LHFPL3: variants seen among roughly 807,000 people sequenced by gnomAD.
The protein encoded by LHFPL3 is LHFPL tetraspan subfamily member 3 protein.
In LHFPL3, 5 loss-of-function variants were observed where a neutral mutation model predicts 19.3. The observed-to-expected ratio is 0.26, with a 90% CI of 0.14 to 0.54. LHFPL3 has a LOEUF of 0.54. Among genes scored for constraint, LHFPL3 ranks in the 20% least tolerant of loss-of-function variants. The probability of loss-of-function intolerance (pLI) is 0.94; values close to 1 mark genes in which losing one functional copy is unlikely to be tolerated. For missense variants in LHFPL3, 249 were observed against 307.4 expected, an observed-to-expected ratio of 0.81 and a Z score of 1.42; for synonymous variants, 133 against 126.2, an observed-to-expected ratio of 1.05 and a Z score of -0.36.
intron 1 of LHFPL3, among the ~76,000 whole-genome samples, chr7:104,725,835 A>G (rs1404027736): frequency 6.6e-6 from 1 of 152,112 alleles, no homozygotes; most frequent in East Asian, 1.9e-4. Flanking sequence ...GCGGATCACG[A>G]GGTCAGGAGT....
chr7:104,886,727 T>C (rs1792155685), intron 2 of LHFPL3, among the ~76,000 whole-genome samples: 4 of 152,252 alleles, frequency 2.6e-5, no homozygotes, highest in Admixed American at 2.6e-4. Context: ...AAATTATACA[T>C]TCACATTTAC....
intron 1 of LHFPL3, among the ~76,000 whole-genome samples, chr7:104,650,696 G>C (rs73713022): frequency 0.016 from 2,482 of 152,140 alleles, 69 homozygotes; most frequent in African/African-American, 0.056. Context: ...GATACCCTTG[G>C]CTTTTGTCAA....
intron 2 of LHFPL3, among the ~76,000 whole-genome samples, chr7:104,851,566 A>G (rs1791415083): frequency 6.6e-6 from 1 of 152,222 alleles, no homozygotes; most frequent in Non-Finnish European, 1.5e-5. Context: ...CCCTGGAAAA[A>G]TTAAGTTCAT....
chr7:104,811,132 TTTCC>T (rs1177103617), intron 2 of LHFPL3, among the ~76,000 whole-genome samples: 1 of 114,526 alleles, frequency 8.7e-6, no homozygotes, highest in Non-Finnish European at 1.8e-5. Flanking sequence ...TCTCTCTCTC[TTTCC>T]TTCCTTTCTT....
rs185254837 is a variant in LHFPL3, at chr7:104,733,786, C to G, written c.446-2889C>G. The stretch of plus-strand genomic sequence containing the variant: ...ATTATGATGTTAGCTGGTTATTTTG[C>G]TCATTAGTTGATGCAGTTTCTTCCT... On this transcript the variant is annotated intron_variant, in intron 1 of 2. Coordinates refer to ENST00000424859, the MANE Select transcript of LHFPL3 (RefSeq NM_199000.3). Among the ~76,000 whole-genome samples, 701 of 152,232 alleles carry G rather than the reference C, an allele frequency of 4.6e-3. 3 individuals carry two copies. Among genetic ancestry groups the G allele is most frequent in the African/African-American group, 0.016 (650 of 41,520 alleles).
chr7:104,899,538 G>T (rs181678912), intron 2 of LHFPL3, among the ~76,000 whole-genome samples: 2 of 152,284 alleles, frequency 1.3e-5, no homozygotes, highest in African/African-American at 4.8e-5. Context: ...TACGAAGCTG[G>T]TAGTCTTTCC....
chr7:104,710,712 G>A (rs554692761), intron 1 of LHFPL3, among the ~76,000 whole-genome samples: 4 of 152,254 alleles, frequency 2.6e-5, no homozygotes, highest in Non-Finnish European at 5.9e-5. Context: ...AGGTTTACAT[G>A]AGTTGATTCA....
At position 104,382,514 on chromosome 7, in the gene LHFPL3, C is replaced by A. The variant is rs554538597; in HGVS notation, c.445+53290C>A. On this transcript the variant is annotated intron_variant, in intron 1 of 2. Transcript: ENST00000424859. ...CAAGCTTGGCTACACATTGGACTCA[C>A]CTGGGGAGGCTTGCAAGTCGTTGAT... 2.6e-5 allele frequency among the ~76,000 whole-genome samples: 4 copies of A among 152,200 alleles called. No individual in the cohort carries two copies. In the East Asian group the frequency reaches 7.7e-4, roughly 29 times the overall value.
chr7:104,799,500 G>C (rs1436111993), intron 2 of LHFPL3: 1 of 152,384 alleles, frequency 6.6e-6, no homozygotes, highest in Non-Finnish European at 1.5e-5. Context: ...TGAAGCACCA[G>C]CATTGCCCAC....
Position 104,596,003 on chromosome 7 carries a change from C to T in LHFPL3, c.446-140672C>T, listed in dbSNP as rs4385405. 4.1e-3 allele frequency among the ~76,000 whole-genome samples: 621 copies of T among 152,358 alleles called. 35 individuals carry two copies. The East Asian group carries it at 0.099, about 24-fold the overall frequency. On this transcript the variant is annotated intron_variant, in intron 1 of 2. Coordinates refer to ENST00000424859, the MANE Select transcript of LHFPL3 (RefSeq NM_199000.3). ...GGCTAGGAAAGGGAAACCCCCCAAC[C>T]CCTTGTGCTTCCCGGGTGAGACAAT...
intron 1 of LHFPL3, among the ~76,000 whole-genome samples, chr7:104,606,469 C>A (rs915754465): frequency 1.3e-5 from 2 of 152,112 alleles, no homozygotes; most frequent in African/African-American, 2.4e-5. Flanking sequence ...GTGAGGTTGG[C>A]AAATCACTTA....
chr7:104,655,379 G>A (rs1271393137), intron 1 of LHFPL3, among the ~76,000 whole-genome samples: 2 of 152,160 alleles, frequency 1.3e-5, no homozygotes, highest in African/African-American at 4.8e-5. Context: ...TTATGAATAG[G>A]TGCATTGACA....
At chr7:104,494,541 A>G (rs1228269358) in intron 1 of LHFPL3, among the ~76,000 whole-genome samples, 1 of 152,062 alleles carries the variant, frequency 6.6e-6, no homozygotes, top group African/African-American at 2.4e-5. Flanking sequence ...CGCTTCACCC[A>G]TGCTAAGAAA....
intron 1 of LHFPL3, among the ~76,000 whole-genome samples, chr7:104,530,092 A>G (rs1171478460): frequency 6.6e-6 from 1 of 152,204 alleles, no homozygotes; most frequent in African/African-American, 2.4e-5. Flanking sequence ...TGTTAAAAAT[A>G]GTGTGATGTT....
intron 1 of LHFPL3, among the ~76,000 whole-genome samples, chr7:104,516,882 C>T (rs1793931268): frequency 6.6e-6 from 1 of 152,106 alleles, no homozygotes; most frequent in Non-Finnish European, 1.5e-5. Context: ...ATAGCAAAGA[C>T]ATGGAATCAA....
intron 2 of LHFPL3, among the ~76,000 whole-genome samples, chr7:104,874,390 CTTTT>C (rs1234139276): frequency 1.7e-5 from 2 of 120,520 alleles, no homozygotes; most frequent in Admixed American, 8.5e-5. Flanking sequence ...AAAAGGAATG[CTTTT>C]TTTTTTTTTT....
At chr7:104,673,976 G>T (rs1792537193) in intron 1 of LHFPL3, among the ~76,000 whole-genome samples, 2 of 151,850 alleles carry the variant, frequency 1.3e-5, no homozygotes, top group African/African-American at 4.8e-5. Flanking sequence ...TGGAAAGAAT[G>T]TTCAGACCCT....
chr7:104,386,351 T>A (rs960684064), intron 1 of LHFPL3, among the ~76,000 whole-genome samples: 1 of 152,234 alleles, frequency 6.6e-6, no homozygotes, highest in African/African-American at 2.4e-5. Context: ...AGGGAGTTTG[T>A]TGAAGACAAT....
chr7:104,629,764 A>T (rs1791607367), intron 1 of LHFPL3, among the ~76,000 whole-genome samples: 1 of 152,162 alleles, frequency 6.6e-6, no homozygotes, highest in African/African-American at 2.4e-5. Flanking sequence ...GCCCTTAAAC[A>T]TGGCCCTGGG....
Sources: allele counts gnomAD v4.1 joint callset (sites outside exome capture counted in the v4.1 genomes callset), GRCh38; gene constraint gnomAD v4.1.1; transcripts MANE v1.5; gene names NCBI Gene and HGNC (gene_info 2026-07-23, HGNC 2026-07-21).